The following SRR variants were observed in gnomAD, a reference collection of about 807,000 sequenced individuals.
SRR encodes D-serine ammonia-lyase.
A neutral mutation model predicts 32.7 loss-of-function variants in SRR; 19 were observed. That is an observed-to-expected ratio of 0.58 (90% confidence interval 0.40 to 0.85). The LOEUF (loss-of-function observed/expected upper bound fraction) is 0.85. Ranked by LOEUF, SRR falls within the 40% of genes least tolerant of loss-of-function variation. SRR has a pLI of 0.00. For missense variants in SRR, 373 were observed against 404.7 expected (o/e 0.92, Z 0.67); for synonymous variants, 142 against 140.9 (o/e 1.01, Z -0.06).
intron 1 of SRR, among the ~76,000 whole-genome samples, chr17:2,313,801 C>T (rs2075450807): frequency 6.6e-6 from 1 of 152,104 alleles, no homozygotes; most frequent in African/African-American, 2.4e-5. Flanking sequence ...ATTCATAATA[C>T]TGTCTGACAA....
chr17:2,321,185 T>C (rs1247995742), intron 4 of SRR, 121 bp from the exon 5 acceptor site: 16 of 1,151,726 alleles, frequency 1.4e-5, no homozygotes, highest in Admixed American at 2.1e-5. Context: ...CATATATATC[T>C]CTAGTACCTG....
chr17:2,322,146 G>A (rs1481104770), intron 6 of SRR, among the ~76,000 whole-genome samples: 3 of 152,034 alleles, frequency 2.0e-5, no homozygotes, highest in Non-Finnish European at 4.4e-5. Flanking sequence ...GGCCAGGTTG[G>A]TCTGGAACTC....
In SRR at chr17:2,318,487, C is replaced by T. The variant is rs1280162091; in HGVS notation, c.296-339C>T. Among the ~76,000 whole-genome samples, 7 of 135,570 alleles carry T rather than the reference C, an allele frequency of 5.2e-5. No homozygotes were observed. The South Asian group carries it at 7.1e-4, about 14-fold the overall frequency. 88.9% of individuals were successfully genotyped at this position (135,570 alleles called of 152,430 possible). A position where few individuals can be genotyped will look rare whatever the true frequency, so the allele number is the denominator to read the frequency against. ...TTCTTTTTTTTTTTTTTTTTTGAGACGGAGTCTTGCACTGTCGCCCAGGCT... is the reference window on the plus strand; with the variant it reads ...TTCTTTTTTTTTTTTTTTTTTGAGATGGAGTCTTGCACTGTCGCCCAGGCT... On this transcript the variant is annotated intron_variant, in intron 3 of 7. Transcript: ENST00000344595.
chr17:2,324,623 C>A lies in SRR; in HGVS notation c.*750C>A. On this transcript the variant is annotated 3_prime_UTR_variant, in exon 8 of 8. Coordinates refer to ENST00000344595, the MANE Select transcript of SRR (RefSeq NM_021947.3). Reference sequence around the variant, plus strand: ...AAGACCAAGATGAAACATTTACCCACAAAATGTAAACCCAACCTTTATACC... The same window carrying A: ...AAGACCAAGATGAAACATTTACCCAAAAAATGTAAACCCAACCTTTATACC... 1 of 1,613,988 alleles carries A rather than the reference C, an allele frequency of 6.2e-7. No individual in the cohort carries two copies. The highest frequency in any genetic ancestry group is 8.5e-7 in the Non-Finnish European group (1 of 1,179,994).
chr17:2,308,779 C>T lies in SRR; in HGVS notation c.-5+4762C>T, dbSNP rs528251969. On this transcript the variant is annotated intron_variant, in intron 1 of 7. Transcript: ENST00000344595. Reference sequence around the variant, plus strand: ...GAGGTTGCAGTGAGCCAAGATCGCACCACTGCACTCCAGCCTGGTGACAGA... The same window carrying T: ...GAGGTTGCAGTGAGCCAAGATCGCATCACTGCACTCCAGCCTGGTGACAGA... Among the ~76,000 whole-genome samples the T allele has an allele frequency of 8.6e-5, 13 of 151,972 alleles. No homozygotes were observed. In the South Asian group the frequency reaches 2.7e-3, roughly 32 times the overall value.
upstream of SRR, chr17:2,303,799 GCGCGCTCGC>G: frequency 8.1e-7 from 1 of 1,229,184 alleles, no homozygotes; most frequent in Non-Finnish European, 1.1e-6. Context: ...CGGGCGGCGC[GCGCGCTCGC>G]CCACCTCCCG....
At chr17:2,310,920 G>C (rs1411579986) in intron 1 of SRR, among the ~76,000 whole-genome samples, 1 of 151,666 alleles carries the variant, frequency 6.6e-6, no homozygotes, top group Non-Finnish European at 1.5e-5. Flanking sequence ...CTAATTTTTT[G>C]TATTTTTAGT....
intron 1 of SRR, among the ~76,000 whole-genome samples, chr17:2,314,573 ACT>A (rs911712961): frequency 1.6e-4 from 18 of 109,986 alleles, no homozygotes; most frequent in African/African-American, 6.1e-4. Context: ...ACAGAGCGAG[ACT>A]CTGTCTCAAA....
intron 1 of SRR, among the ~76,000 whole-genome samples, chr17:2,312,093 A>G (rs547624796): frequency 6.6e-6 from 1 of 151,924 alleles, no homozygotes; most frequent in African/African-American, 2.4e-5. Context: ...GTGCACAGTC[A>G]TAGTCCCAGG....
chr17:2,323,091 A>C, intron 6 of SRR, 45 bp from the exon 7 acceptor site: 1 of 1,581,704 alleles, frequency 6.3e-7, no homozygotes, highest in Non-Finnish European at 8.7e-7. Flanking sequence ...CATGCAGGCA[A>C]TGTTGTGGTT....
intron 3 of SRR, 87 bp from the exon 4 acceptor site, chr17:2,318,739 G>A (rs2075499979): frequency 1.2e-6 from 1 of 868,774 alleles, no homozygotes; most frequent in South Asian, 1.4e-5. Context: ...CAAAGTGCTG[G>A]GATTACAGGT....
rs75498513 is a variant in SRR at position 2,321,513 on chromosome 17, A to G, written c.520-29A>G. Reference sequence around the variant, plus strand: ...TTTATATGTATACATTAAATATAAAACTGCTTACAGTTTATATTTTCACTA... The same window carrying G: ...TTTATATGTATACATTAAATATAAAGCTGCTTACAGTTTATATTTTCACTA... On this transcript the variant is annotated intron_variant, in intron 5 of 7. Coordinates refer to ENST00000344595, the MANE Select transcript of SRR (RefSeq NM_021947.3). 9.1e-3 allele frequency: 14,617 copies of G among 1,613,294 alleles called. 1,037 individuals are homozygous for G. The African/African-American group carries it at 0.17, about 18-fold the overall frequency.
At chr17:2,310,193 A>G (rs1322146598) in intron 1 of SRR, among the ~76,000 whole-genome samples, 2 of 152,120 alleles carry the variant, frequency 1.3e-5, no homozygotes, top group Admixed American at 1.3e-4. Context: ...ACTGTTTACA[A>G]CCTCCAAAAT....
chr17:2,316,871 C>A (rs1471035167), intron 2 of SRR, among the ~76,000 whole-genome samples: 1 of 144,932 alleles, frequency 6.9e-6, no homozygotes, highest in Non-Finnish European at 1.5e-5. Context: ...TGCCACCACG[C>A]CCAGCTAATT....
At chr17:2,315,427 T>G in intron 1 of SRR, 130 bp from the exon 2 acceptor site, 4 of 889,950 alleles carry the variant, frequency 4.5e-6, no homozygotes, top group Non-Finnish European at 6.5e-6. Flanking sequence ...ATTCTGACAC[T>G]CCAATAATGG....
intron 6 of SRR, chr17:2,322,588 C>A (rs2075539878): frequency 6.5e-6 from 1 of 153,530 alleles, no homozygotes. Flanking sequence ...GCAAGCTCCA[C>A]CTCCCAGGTT....
chr17:2,324,630 TA>T lies in SRR; in HGVS notation c.*760del. 1 of 1,613,990 alleles carries T rather than the reference TA, an allele frequency of 6.2e-7. No homozygotes were observed. Among genetic ancestry groups the T allele is most frequent in the Non-Finnish European group, 8.5e-7 (1 of 1,180,002 alleles). ...AGATGAAACATTTACCCACAAAATG[TA>T]AACCCAACCTTTATACCACAAAGGC... On this transcript the variant is annotated 3_prime_UTR_variant, in exon 8 of 8. Transcript: ENST00000344595.
chr17:2,307,293 G>A (rs2075398174), intron 1 of SRR: 3 of 1,119,032 alleles, frequency 2.7e-6, no homozygotes, highest in Non-Finnish European at 4.0e-6. Context: ...GTGAAATTAG[G>A]AAAGGCCTGT....
chr17:2,318,464 C>CT (rs1170914950), intron 3 of SRR, among the ~76,000 whole-genome samples: 7,026 of 126,564 alleles, frequency 0.056, 528 homozygotes, highest in African/African-American at 0.15. Flanking sequence ...ATGTTTCTTT[C>CT]TTTTTTTTTT....
Sources: allele counts gnomAD v4.1 joint callset (sites outside exome capture counted in the v4.1 genomes callset), GRCh38; gene constraint gnomAD v4.1.1; transcripts MANE v1.5; gene names NCBI Gene and HGNC (gene_info 2026-07-23, HGNC 2026-07-21).